THRB: variants seen among roughly 807,000 people sequenced by gnomAD.
THRB encodes nuclear receptor subfamily 1 group A member 2.
A neutral mutation model predicts 47.8 loss-of-function variants in THRB; 12 were observed. The observed-to-expected ratio is 0.25, with a 90% confidence interval of 0.16 to 0.41. The LOEUF (loss-of-function observed/expected upper bound fraction) is 0.41, where lower values mean the gene tolerates loss of function less well. Ranked by LOEUF, THRB falls within the 10% of genes least tolerant of loss-of-function variation. THRB has a pLI of 1.00. For missense variants in THRB, 348 were observed against 589.2 expected, an observed-to-expected ratio of 0.59 and a Z score of 4.24; for synonymous variants, 218 against 212.2, an observed-to-expected ratio of 1.03 and a Z score of -0.24.
At chr3:24,256,966 CTTT>C (rs774454991) in intron 3 of THRB, among the ~76,000 whole-genome samples, 8 of 152,002 alleles carry the variant, frequency 5.3e-5, no homozygotes, top group Admixed American at 2.0e-4. Context: ...GTTCTGTGAC[CTTT>C]TTTGTTTTTG....
chr3:24,344,584 A>T (rs974910494), intron 1 of THRB, among the ~76,000 whole-genome samples: 1 of 152,132 alleles, frequency 6.6e-6, no homozygotes, highest in Non-Finnish European at 1.5e-5. Context: ...TTGTAAAAAA[A>T]ATCCTCTAAT....
At chr3:24,195,444 G>T (rs568619056) in intron 4 of THRB, among the ~76,000 whole-genome samples, 1 of 152,202 alleles carries the variant, frequency 6.6e-6, no homozygotes, top group Admixed American at 6.5e-5. Context: ...TTTAGAAATT[G>T]TACTTACTAC....
At chr3:24,200,959 G>A (rs1305257147) in intron 4 of THRB, among the ~76,000 whole-genome samples, 2 of 152,096 alleles carry the variant, frequency 1.3e-5, no homozygotes, top group Non-Finnish European at 2.9e-5. Flanking sequence ...TACCTGCAGG[G>A]TATGTAATGC....
chr3:24,405,995 T>G (rs1324283150), intron 1 of THRB, among the ~76,000 whole-genome samples: 1 of 151,616 alleles, frequency 6.6e-6, no homozygotes, highest in Non-Finnish European at 1.5e-5. Context: ...GTGATATGTG[T>G]TTTTTGTTTA....
chr3:24,443,120 T>A (rs1012936396), intron 1 of THRB, among the ~76,000 whole-genome samples: 1 of 151,664 alleles, frequency 6.6e-6, no homozygotes, highest in Non-Finnish European at 1.5e-5. Flanking sequence ...AGGCAGAGAT[T>A]GCAATGAGCC....
intron 3 of THRB, among the ~76,000 whole-genome samples, chr3:24,259,548 TA>T (rs1486590613): frequency 1.3e-5 from 2 of 150,242 alleles, no homozygotes; most frequent in Non-Finnish European, 2.9e-5. Context: ...CTTTGAAAAG[TA>T]GAATTAACAG....
At chr3:24,412,092 A>C (rs2068356933) in intron 1 of THRB, among the ~76,000 whole-genome samples, 1 of 151,862 alleles carries the variant, frequency 6.6e-6, no homozygotes, top group African/African-American at 2.4e-5. Flanking sequence ...TGAGTTATTA[A>C]AAAATATTAG....
rs1384925686 is a variant in THRB, at chr3:24,117,346, T to A, written c.*5538A>T. 2 of 152,220 alleles carry A rather than the reference T, an allele frequency of 1.3e-5. No individual in the cohort carries two copies. The highest frequency in any genetic ancestry group is 2.4e-5 in the African/African-American group (1 of 41,460). The allele number at this position is 152,220 out of a possible 1,614,324, so 9.4% of individuals were successfully genotyped here. A position where few individuals can be genotyped will look rare whatever the true frequency, so the allele number is the denominator to read the frequency against. ...CTTATAGCAGCAAGACTTAGAATTT[T>A]CTTTCAGGAATCATCTTGCCTCAAC... On this transcript the variant is annotated 3_prime_UTR_variant, in exon 11 of 11. Transcript: ENST00000646209.
At position 24,165,484 on chromosome 3, in the gene THRB, G is replaced by T; in HGVS notation, c.284-12994C>A. 5 of 591,088 alleles carry T rather than the reference G, an allele frequency of 8.5e-6. No homozygotes were observed. The South Asian group carries it at 1.1e-4, about 13-fold the overall frequency. 36.6% of individuals were successfully genotyped at this position (591,088 alleles called of 1,614,324 possible). A position where few individuals can be genotyped will look rare whatever the true frequency, so the allele number is the denominator to read the frequency against. On this transcript the variant is annotated intron_variant, in intron 5 of 10. Coordinates refer to ENST00000646209, the MANE Select transcript of THRB (RefSeq NM_001354712.2). The stretch of plus-strand genomic sequence containing the variant: ...ACATACATACACATGAAACGCGAAG[G>T]GAAGATGAATAAACACCACCACCAA...
In THRB at chr3:24,220,702, G is replaced by T. The variant is rs540218172; in HGVS notation, c.22+8236C>A. Among the ~76,000 whole-genome samples, 12 of 151,582 alleles carry T rather than the reference G, an allele frequency of 7.9e-5. No homozygotes were observed. The South Asian group carries it at 2.5e-3, about 32-fold the overall frequency. On this transcript the variant is annotated intron_variant, in intron 4 of 10. Transcript: ENST00000646209. Reference sequence around the variant, plus strand: ...AATTTGCTGAGATTTTATTAATTTGGTCTCAGCTTACTAAAAAGGAGAAGA... The same window carrying T: ...AATTTGCTGAGATTTTATTAATTTGTTCTCAGCTTACTAAAAAGGAGAAGA...
chr3:24,267,444 C>A (rs529184629), intron 3 of THRB, among the ~76,000 whole-genome samples: 1 of 152,108 alleles, frequency 6.6e-6, no homozygotes, highest in South Asian at 2.1e-4. Flanking sequence ...TAAACAATGA[C>A]TGACCACTGA....
At chr3:24,312,491 G>C (rs1329595722) in intron 2 of THRB, among the ~76,000 whole-genome samples, 1 of 152,162 alleles carries the variant, frequency 6.6e-6, no homozygotes, top group African/African-American at 2.4e-5. Context: ...GATACAAAAG[G>C]TTCCTTCCCA....
chr3:24,196,979 C>A (rs533660124), intron 4 of THRB, among the ~76,000 whole-genome samples: 1 of 152,358 alleles, frequency 6.6e-6, no homozygotes, highest in Admixed American at 6.5e-5. Flanking sequence ...TTCCATGTAT[C>A]TCTCTCCTCC....
chr3:24,122,726 A>G lies in THRB; in HGVS notation c.*158T>C, dbSNP rs1250220111. 2 of 986,524 alleles carry G rather than the reference A, an allele frequency of 2.0e-6. No homozygotes were observed. Among genetic ancestry groups the G allele is most frequent in the East Asian group, 2.5e-5 (1 of 40,802 alleles). The allele number at this position is 986,524 out of a possible 1,614,324, so 61.1% of individuals were successfully genotyped here. ...GCAATAGTTTCAAGTACCCGCATTCAAGGGGCAATTTCATCCATGTCTATG... is the reference window on the plus strand; with the variant it reads ...GCAATAGTTTCAAGTACCCGCATTCGAGGGGCAATTTCATCCATGTCTATG... On this transcript the variant is annotated 3_prime_UTR_variant, in exon 11 of 11. Coordinates refer to ENST00000646209, the MANE Select transcript of THRB (RefSeq NM_001354712.2).
chr3:24,390,902 T>C (rs2066520705), intron 1 of THRB, among the ~76,000 whole-genome samples: 2 of 152,110 alleles, frequency 1.3e-5, no homozygotes, highest in South Asian at 4.2e-4. Context: ...ACTCACATCT[T>C]GGGCTTTTGC....
intron 1 of THRB, among the ~76,000 whole-genome samples, chr3:24,492,301 G>A (rs1235470433): frequency 2.0e-5 from 3 of 152,134 alleles, no homozygotes; most frequent in Non-Finnish European, 4.4e-5. Flanking sequence ...CGATCAACAA[G>A]CATCAATTGA....
intron 1 of THRB, among the ~76,000 whole-genome samples, chr3:24,363,839 T>C (rs1213848502): frequency 6.6e-6 from 1 of 152,168 alleles, no homozygotes; most frequent in Non-Finnish European, 1.5e-5. Context: ...AAATCTAAAA[T>C]TCTATGCTTG....
intron 1 of THRB, among the ~76,000 whole-genome samples, chr3:24,444,462 G>A (rs1450952674): frequency 2.6e-5 from 4 of 151,666 alleles, no homozygotes; most frequent in Admixed American, 2.6e-4. Context: ...AAGAATGCAG[G>A]ACCTCTACAA....
chr3:24,485,584 T>C (rs1026837185), intron 1 of THRB, among the ~76,000 whole-genome samples: 1 of 152,212 alleles, frequency 6.6e-6, no homozygotes, highest in Non-Finnish European at 1.5e-5. Flanking sequence ...CTTCAAGCTA[T>C]CAAGACAAAG....
Sources: allele counts gnomAD v4.1 joint callset (sites outside exome capture counted in the v4.1 genomes callset), GRCh38; gene constraint gnomAD v4.1.1; transcripts MANE v1.5; gene names NCBI Gene and HGNC (gene_info 2026-07-23, HGNC 2026-07-21).